The following IMPDH1 variants were observed in gnomAD, a reference collection of about 807,000 sequenced individuals.
IMPDH1 encodes the protein inosine-5'-monophosphate dehydrogenase 1.
IMPDH1 carries 41 observed loss-of-function variants against 73.5 expected under a neutral mutation model. The observed-to-expected ratio is 0.56, with a 90% confidence interval of 0.43 to 0.72. IMPDH1 has a LOEUF of 0.72. Ranked by LOEUF, IMPDH1 falls within the 30% of genes least tolerant of loss-of-function variation. The pLI is 0.00. For synonymous variants in IMPDH1, 318 were observed against 334.3 expected (o/e 0.95, Z 0.53); for missense variants, 645 against 824.8 (o/e 0.78, Z 2.67).
intron 16 of IMPDH1, among the ~76,000 whole-genome samples, chr7:128,393,452 T>TG (rs950549625): frequency 3.3e-5 from 5 of 152,102 alleles, no homozygotes; most frequent in Non-Finnish European, 7.4e-5. Context: ...CAGTCTAAAA[T>TG]GGGGCAGCCT....
chr7:128,399,048 A>G (rs899017106), intron 9 of IMPDH1, among the ~76,000 whole-genome samples: 2 of 152,208 alleles, frequency 1.3e-5, no homozygotes, highest in Non-Finnish European at 2.9e-5. Context: ...GACCTGGTGA[A>G]TATTTAATTT....
intron 7 of IMPDH1, 67 bp downstream of exon 7, chr7:128,400,750 G>T: frequency 7.2e-7 from 1 of 1,391,308 alleles, no homozygotes; most frequent in Non-Finnish European, 1.0e-6. Context: ...TGGCAGGGGA[G>T]GCTGGGAGGG....
rs767533140 is a variant in IMPDH1, at chr7:128,394,524, C to G, written c.1626G>C (p.Val542=). The G allele has an allele frequency of 5.0e-6, 8 of 1,613,904 alleles. No homozygotes were observed. The highest frequency in any genetic ancestry group is 1.3e-5 in the African/African-American group (1 of 74,926). Residue 542 remains valine (V), a synonymous_variant, in exon 15 of 17, where the codon GTG becomes GTC. Transcript: ENST00000338791. The surrounding 1 kb of genome is among the most constrained non-coding windows in gnomAD (Gnocchi z 5.5). ...IQDKGSIQKF[V]PYLIAGIQHG... The stretch of plus-strand genomic sequence containing the variant: ...GTTGGATGCCTGCTATGAGGTAGGG[C>G]ACGAACTTCTGAATGGATCCTTTGT...
At chr7:128,405,664 G>T in intron 4 of IMPDH1, 103 bp downstream of exon 4, 3 of 1,427,528 alleles carry the variant, frequency 2.1e-6, no homozygotes, top group East Asian at 3.0e-5. Flanking sequence ...GCAGGCACTC[G>T]CACCGGGCAG....
chr7:128,405,967 T>G, intron 3 of IMPDH1, 102 bp from the exon 4 acceptor site: 1 of 1,004,130 alleles, frequency 1.0e-6, no homozygotes, highest in Non-Finnish European at 1.2e-6. Context: ...GCGGCCACGC[T>G]GCTGCCGCGG....
chr7:128,392,954 A>G lies in IMPDH1; in HGVS notation c.*53T>C. The G allele has an allele frequency of 1.3e-6, 2 of 1,597,202 alleles. No individual in the cohort carries two copies. The highest frequency in any genetic ancestry group is 2.2e-5 in the East Asian group (1 of 44,822). Reference sequence around the variant, plus strand: ...CAGTTATGGAGGGAGGCTGTGCCCAAAAGTGGACACTGGGGTGCATCCCCT... The same window carrying G: ...CAGTTATGGAGGGAGGCTGTGCCCAGAAGTGGACACTGGGGTGCATCCCCT... On this transcript the variant is annotated 3_prime_UTR_variant, in exon 17 of 17. Coordinates refer to ENST00000338791, the MANE Select transcript of IMPDH1 (RefSeq NM_000883.4).
chr7:128,403,284 G>A (rs1374431097), intron 5 of IMPDH1, among the ~76,000 whole-genome samples: 7 of 152,204 alleles, frequency 4.6e-5, no homozygotes, highest in Non-Finnish European at 1.0e-4. Context: ...CATACCAGCT[G>A]GGTGGAATCA....
chr7:128,397,017 C>T lies in IMPDH1; in HGVS notation c.1080G>A (p.Ser360=), dbSNP rs781329681. The T allele has an allele frequency of 1.4e-5, 22 of 1,613,204 alleles. 1 individual carries two copies. The Middle Eastern group carries it at 1.3e-3, about 96-fold the overall frequency. ...QAGVDVIVLD[S]SQGNSVYQIA... is the part of the protein sequence containing the mutation. ...TCTGATACACCGAATTCCCTTGGGA[C>T]GAGTCCTGTGAGAAAGGACGGAAGA... Residue 360 remains serine, a synonymous_variant, in exon 11 of 17, where the codon TCG becomes TCA. Coordinates refer to ENST00000338791, the MANE Select transcript of IMPDH1 (RefSeq NM_000883.4).
Position 128,398,626 on chromosome 7 carries a change from G to C in IMPDH1, c.875-13C>G, listed in dbSNP as rs761495414. On this transcript the variant is annotated splice_polypyrimidine_tract_variant and intron_variant, in intron 9 of 16. Coordinates refer to ENST00000338791, the MANE Select transcript of IMPDH1 (RefSeq NM_000883.4). This position sits in a 1 kb window ranked among gnomAD's most constrained non-coding sequence, Gnocchi z 4.3. Reference sequence around the variant, plus strand: ...ATAGGCAGCTTCCCTGACAAGGAATGCAGGGGTGAAATGAAGCAGGCTTGG... The same window carrying C: ...ATAGGCAGCTTCCCTGACAAGGAATCCAGGGGTGAAATGAAGCAGGCTTGG... 10 of 1,609,024 alleles carry C rather than the reference G, an allele frequency of 6.2e-6. No individual in the cohort carries two copies. In the Admixed American group the frequency reaches 1.7e-4, roughly 27 times the overall value.
chr7:128,397,157 T>G, intron 10 of IMPDH1, 135 bp from the exon 11 acceptor site: 2 of 669,548 alleles, frequency 3.0e-6, no homozygotes, highest in South Asian at 1.6e-5. Flanking sequence ...GGTTGTTTTT[T>G]TTTTTTTTTT....
intron 5 of IMPDH1, among the ~76,000 whole-genome samples, chr7:128,401,728 G>C (rs886106836): frequency 6.6e-6 from 1 of 152,196 alleles, no homozygotes; most frequent in Non-Finnish European, 1.5e-5. Flanking sequence ...CAAGGGCTGA[G>C]GTGGGGGTAG....
chr7:128,395,832 A>G (rs1797876951), intron 12 of IMPDH1, among the ~76,000 whole-genome samples: 1 of 152,250 alleles, frequency 6.6e-6, no homozygotes. Flanking sequence ...TGAGACAAGT[A>G]GGTGCCTAAT....
At chr7:128,397,749 A>C (rs1323544751) in intron 10 of IMPDH1, among the ~76,000 whole-genome samples, 1 of 151,614 alleles carries the variant, frequency 6.6e-6, no homozygotes, top group East Asian at 1.9e-4. Context: ...TTTTTTTTTT[A>C]AGGATTCAGT....
rs72624958 is a variant in IMPDH1, at chr7:128,398,407, G to A, written c.1074+7C>T. On this transcript the variant is annotated splice_region_variant and intron_variant, in intron 10 of 16. Coordinates refer to ENST00000338791, the MANE Select transcript of IMPDH1 (RefSeq NM_000883.4). The surrounding 1 kb of genome is among the most constrained non-coding windows in gnomAD (Gnocchi z 4.3). ...CATCTCCCCCACCACTCAGGCGGGG[G>A]CCTTACCAAGACTATGACGTCGACG... 5.6e-4 allele frequency: 910 copies of A among 1,611,996 alleles called. 1 individual carries two copies. The highest frequency in any genetic ancestry group is 5.0e-3 in the African/African-American group (376 of 75,002).
At chr7:128,403,683 T>C (rs766152644) in intron 5 of IMPDH1, 23 bp downstream of exon 5, 3 of 1,608,096 alleles carry the variant, frequency 1.9e-6, no homozygotes, top group East Asian at 2.2e-5. Flanking sequence ...CCCCCTCCCC[T>C]TGTCAAAGGA....
intron 3 of IMPDH1, among the ~76,000 whole-genome samples, chr7:128,406,916 A>G (rs1337749468): frequency 6.6e-6 from 1 of 152,220 alleles, no homozygotes; most frequent in Non-Finnish European, 1.5e-5. Flanking sequence ...AAAAATCCCC[A>G]AAGCAGAAGT....
At chr7:128,404,739 C>T (rs1007442787) in intron 4 of IMPDH1, among the ~76,000 whole-genome samples, 1 of 152,170 alleles carries the variant, frequency 6.6e-6, no homozygotes, top group African/African-American at 2.4e-5. Context: ...GGCTTTCAAT[C>T]TCATCACCAA....
At chr7:128,402,183 A>C (rs185631708) in intron 5 of IMPDH1, among the ~76,000 whole-genome samples, 110 of 151,560 alleles carry the variant, frequency 7.3e-4, no homozygotes, top group African/African-American at 2.6e-3. Context: ...ACTCACTGCA[A>C]CCTCCGCCTC....
rs376769056 is a variant in IMPDH1, at chr7:128,401,095, G to A, written c.424C>T (p.Arg142Trp). 1.4e-5 allele frequency: 23 copies of A among 1,613,674 alleles called. No homozygotes were observed. The highest frequency in any genetic ancestry group is 6.7e-5 in the African/African-American group (5 of 74,892). The part of the protein sequence containing the change: ...DEVDLTSALT[R>W]KITLKTPLIS... The stretch of plus-strand genomic sequence containing the variant: ...AGTGGCGTCTTCAGCGTGATCTTCC[G>A]GGTCAGGGCTGAGGTCAGGTCCTGA... Residue 142 changes from arginine to tryptophan, a missense_variant, in exon 6 of 17, where the codon CGG (arginine) becomes TGG (tryptophan). Arg to Trp is a moderately radical substitution (Grantham distance 101). This residue lies in a region of IMPDH1 where 459 missense variants were observed against 638.2 expected (regional missense o/e 0.72). Transcript: ENST00000338791.
Sources: gnomAD v4.1 joint callset for allele counts (sites outside exome capture counted in the v4.1 genomes callset) on GRCh38, gnomAD v4.1.1 for gene constraint, gnomAD v4.1.1 regional missense constraint, Gnocchi (gnomAD v3.1) non-coding constraint, MANE v1.5 for transcripts, NCBI Gene and HGNC (gene_info 2026-07-23, HGNC 2026-07-21) for gene names.